FUBP1: variants seen among roughly 807,000 people sequenced by gnomAD.
The protein encoded by FUBP1 is far upstream element binding protein 1.
A neutral mutation model predicts 94.9 loss-of-function variants in FUBP1; 16 were observed. The ratio of observed to expected loss-of-function variants is 0.17; its 90% confidence interval spans 0.11 to 0.26. The LOEUF (loss-of-function observed/expected upper bound fraction) is 0.26, where lower values mean the gene tolerates loss of function less well. Among genes scored for constraint, FUBP1 ranks in the 10% least tolerant of loss-of-function variants. The pLI, the probability that FUBP1 is intolerant of heterozygous loss-of-function variation, is 1.00. For missense variants in FUBP1, 583 were observed against 808.6 expected (o/e 0.72, Z 3.38); for synonymous variants, 279 against 254.9 (o/e 1.09, Z -0.90).
chr1:77,947,754 C>A lies in FUBP1; in HGVS notation c.*1012G>T. Reference sequence around the variant, plus strand: ...TTCAATGATTGGACTTGTGCATTTACAAAACAAAGCTTATCTATACTGCAT... The same window carrying A: ...TTCAATGATTGGACTTGTGCATTTAAAAAACAAAGCTTATCTATACTGCAT... On this transcript the variant is annotated 3_prime_UTR_variant, in exon 20 of 20. Transcript: ENST00000370768. 1.3e-5 allele frequency: 8 copies of A among 611,110 alleles called. No individual in the cohort carries two copies. The highest frequency in any genetic ancestry group is 4.2e-5 in the South Asian group (2 of 47,636). The allele number at this position is 611,110 out of a possible 1,614,324, so 37.9% of individuals were successfully genotyped here.
At chr1:77,956,187 A>C (rs1373199434) in intron 17 of FUBP1, among the ~76,000 whole-genome samples, 2 of 152,252 alleles carry the variant, frequency 1.3e-5, no homozygotes, top group East Asian at 3.8e-4. Context: ...TTTTTGAAGA[A>C]GTACCCAACA....
rs1290100999 is a variant in FUBP1, at chr1:77,964,108, C to A, written c.995G>T (p.Cys332Phe). 6.2e-7 allele frequency: 1 copy of A among 1,608,000 alleles called. No individual in the cohort carries two copies. Among genetic ancestry groups the A allele is most frequent in the Non-Finnish European group, 8.5e-7 (1 of 1,174,430 alleles). Residue 332 changes from cysteine to phenylalanine, a missense_variant, in exon 12 of 20, where the codon TGT (cysteine) becomes TTT (phenylalanine). Coordinates refer to ENST00000370768, the MANE Select transcript of FUBP1 (RefSeq NM_003902.5). ...TGTAATAATTTCTGCAGCATGTTGA[C>A]ATCGGTCTGGAGGTCCTGTTATTTG... ...IAQITGPPDR[C>F]QHAAEIITDL...
intron 17 of FUBP1, among the ~76,000 whole-genome samples, chr1:77,955,970 A>C (rs1051581270): frequency 1.3e-5 from 2 of 152,220 alleles, no homozygotes; most frequent in African/African-American, 4.8e-5. Flanking sequence ...GAAGTGCTTA[A>C]AAGAATGACA....
rs1291593268 is a variant in FUBP1, at chr1:77,948,356, A to G, written c.*410T>C. ...TATGTATCTTAATTTATCATTGCTA[A>G]GAAATTATGAATCCTTTAAATACCC... On this transcript the variant is annotated 3_prime_UTR_variant, in exon 20 of 20. Coordinates refer to ENST00000370768, the MANE Select transcript of FUBP1 (RefSeq NM_003902.5). 1 of 1,056,376 alleles carries G rather than the reference A, an allele frequency of 9.5e-7. No individual in the cohort carries two copies. Among genetic ancestry groups the G allele is most frequent in the Non-Finnish European group, 1.1e-6 (1 of 869,954 alleles). 65.4% of individuals were successfully genotyped at this position (1,056,376 alleles called of 1,614,324 possible).
At position 77,962,779 on chromosome 1, in the gene FUBP1, T is replaced by C; in HGVS notation, c.1335A>G (p.Glu445=). ...TTTAAAGTATACTCACACCAATCTT[T>C]TCTTCTATGAGTTGCCGAGCATAGT... ...QIDYARQLIE[E]KIGGPVNPLG... is the part of the protein sequence containing the mutation. The change falls in exon 14 of 20, where the codon GAA becomes GAG. Residue 445 remains glutamate (E), a synonymous_variant. Transcript: ENST00000370768. 6.2e-7 allele frequency: 1 copy of C among 1,610,250 alleles called. No homozygotes were observed. Among genetic ancestry groups the C allele is most frequent in the Non-Finnish European group, 8.5e-7 (1 of 1,177,128 alleles).
Position 77,947,745 on chromosome 1 carries a change from G to T in FUBP1, c.*1021C>A. The stretch of plus-strand genomic sequence containing the variant: ...TTAAGTTGATTCAATGATTGGACTT[G>T]TGCATTTACAAAACAAAGCTTATCT... On this transcript the variant is annotated 3_prime_UTR_variant, in exon 20 of 20. Coordinates refer to ENST00000370768, the MANE Select transcript of FUBP1 (RefSeq NM_003902.5). 1 of 572,156 alleles carries T rather than the reference G, an allele frequency of 1.7e-6. No individual in the cohort carries two copies. The highest frequency in any genetic ancestry group is 2.8e-6 in the Non-Finnish European group (1 of 359,570). The allele number at this position is 572,156 out of a possible 1,614,324, so 35.4% of individuals were successfully genotyped here.
At position 77,954,313 on chromosome 1, in the gene FUBP1, T is replaced by C. The variant is rs192503026; in HGVS notation, c.1780+942A>G. Among the ~76,000 whole-genome samples the C allele has an allele frequency of 2.3e-3, 351 of 152,338 alleles. 5 individuals are homozygous for C. The highest frequency in any genetic ancestry group is 8.0e-3 in the African/African-American group (333 of 41,572). ...GTATGCTGTTTTTAAGTTAAAAGTTTCTTTTTGCCGAATTGTAGCTACTGT... is the reference window on the plus strand; with the variant it reads ...GTATGCTGTTTTTAAGTTAAAAGTTCCTTTTTGCCGAATTGTAGCTACTGT... On this transcript the variant is annotated intron_variant, in intron 18 of 19. Coordinates refer to ENST00000370768, the MANE Select transcript of FUBP1 (RefSeq NM_003902.5).
At chr1:77,959,473 T>C (rs988797694) in intron 16 of FUBP1, among the ~76,000 whole-genome samples, 1 of 152,192 alleles carries the variant, frequency 6.6e-6, no homozygotes, top group African/African-American at 2.4e-5. Context: ...TTTGACAATT[T>C]GGAAGTTTAA....
chr1:77,950,297 G>A (rs983171376), intron 18 of FUBP1, among the ~76,000 whole-genome samples: 1 of 152,114 alleles, frequency 6.6e-6, no homozygotes, highest in African/African-American at 2.4e-5. Context: ...GAGTAGCTGG[G>A]ACTACAGGCC....
At chr1:77,950,891 CT>C (rs1273526938) in intron 18 of FUBP1, among the ~76,000 whole-genome samples, 3 of 152,092 alleles carry the variant, frequency 2.0e-5, no homozygotes, top group Non-Finnish European at 4.4e-5. Context: ...ATTTATGATT[CT>C]TTAAAAATGC....
intron 1 of FUBP1, among the ~76,000 whole-genome samples, chr1:77,974,361 T>C (rs1001127195): frequency 1.3e-5 from 2 of 152,048 alleles, no homozygotes; most frequent in Admixed American, 1.3e-4. Context: ...CTCAATCTCC[T>C]GACCTCGTGA....
Position 77,946,301 on chromosome 1 carries a change from T to C in FUBP1, c.*2465A>G, listed in dbSNP as rs915909838. On this transcript the variant is annotated 3_prime_UTR_variant, in exon 20 of 20. Coordinates refer to ENST00000370768, the MANE Select transcript of FUBP1 (RefSeq NM_003902.5). The stretch of plus-strand genomic sequence containing the variant: ...TACTGCAGCAATCTACTCATCATTT[T>C]CTTGTCTTAATAAAAAAAAAAAAGT... Among the ~76,000 whole-genome samples, 3 of 151,618 alleles carry C rather than the reference T, an allele frequency of 2.0e-5. No individual in the cohort carries two copies. Among genetic ancestry groups the C allele is most frequent in the African/African-American group, 4.8e-5 (2 of 41,330 alleles).
In FUBP1 at chr1:77,976,242, T is replaced by C. The variant is rs559404672; in HGVS notation, c.120+2643A>G. Among the ~76,000 whole-genome samples, 4 of 152,370 alleles carry C rather than the reference T, an allele frequency of 2.6e-5. No individual in the cohort carries two copies. In the South Asian group the frequency reaches 8.3e-4, roughly 32 times the overall value. The stretch of plus-strand genomic sequence containing the variant: ...ACTTTTGTCTAAGTACGCTTCTGTA[T>C]ATTCCACTTATATCATCAGAGTAAC... On this transcript the variant is annotated intron_variant, in intron 1 of 19. Transcript: ENST00000370768.
chr1:77,968,552 A>G (rs547827892), intron 2 of FUBP1, among the ~76,000 whole-genome samples: 1 of 151,930 alleles, frequency 6.6e-6, no homozygotes, highest in South Asian at 2.1e-4. Flanking sequence ...CTTCCACCTC[A>G]GGAACTGAAG....
chr1:77,968,303 C>G (rs1018661052), intron 2 of FUBP1, 100 bp from the exon 3 acceptor site: 3 of 708,784 alleles, frequency 4.2e-6, no homozygotes, highest in East Asian at 3.2e-5. Flanking sequence ...ATTGAAATAT[C>G]TGAAGGTATG....
intron 11 of FUBP1, 22 bp downstream of exon 11, chr1:77,964,232 C>A (rs770039140): frequency 6.4e-7 from 1 of 1,560,264 alleles, no homozygotes; most frequent in South Asian, 1.1e-5. Flanking sequence ...CCAACACTTA[C>A]AAGATTATTA....
Position 77,964,962 on chromosome 1 carries a change from C to A in FUBP1, c.643G>T (p.Ala215Ser). The A allele has an allele frequency of 6.2e-7, 1 of 1,610,880 alleles. No individual in the cohort carries two copies. The highest frequency in any genetic ancestry group is 8.5e-7 in the Non-Finnish European group (1 of 1,177,128). ...TGAATCATAACCATTTTAACTCCAG[C>A]CCGTTCCTGTTACAATCATAGAAAT... ...GETIKQLQER[A>S]GVKMVMIQDG... Residue 215 changes from alanine to serine, a missense_variant, in exon 9 of 20, where the codon GCT (alanine) becomes TCT (serine). Ala to Ser is a moderately conservative substitution (Grantham distance 99, BLOSUM62 1). Transcript: ENST00000370768.
chr1:77,960,381 C>T lies in FUBP1; in HGVS notation c.1459G>A (p.Ala487Thr), dbSNP rs754110069. Residue 487 changes from alanine to threonine, a missense_variant, in exon 15 of 20, where the codon GCA becomes ACA. Ala to Thr is a moderately conservative substitution (Grantham distance 58). Coordinates refer to ENST00000370768, the MANE Select transcript of FUBP1 (RefSeq NM_003902.5). ...CCTGGTGGTCCAGGATTATAAGGTGCAGGGTTGTATGGTCCCATTGGAGTT... is the reference window on the plus strand; with the variant it reads ...CCTGGTGGTCCAGGATTATAAGGTGTAGGGTTGTATGGTCCCATTGGAGTT... ...PGTPMGPYNP[A>T]PYNPGPPGPA... The T allele has an allele frequency of 6.2e-7, 1 of 1,606,154 alleles. No individual in the cohort carries two copies. The highest frequency in any genetic ancestry group is 8.5e-7 in the Non-Finnish European group (1 of 1,178,466).
At chr1:77,974,095 T>A (rs1391122919) in intron 1 of FUBP1, among the ~76,000 whole-genome samples, 1 of 151,196 alleles carries the variant, frequency 6.6e-6, no homozygotes, top group African/African-American at 2.4e-5. Context: ...GGATAGCTGG[T>A]ACTACAGGCA....
Sources: gnomAD v4.1 joint callset for allele counts (sites outside exome capture counted in the v4.1 genomes callset) on GRCh38, gnomAD v4.1.1 for gene constraint, MANE v1.5 for transcripts, NCBI Gene and HGNC (gene_info 2026-07-23, HGNC 2026-07-21) for gene names.